PCDH9: variants seen among roughly 807,000 people sequenced by gnomAD.
The protein encoded by PCDH9 is protocadherin 9.
Under a neutral mutation model 70.6 loss-of-function variants are expected in PCDH9, and 24 were observed. The observed-to-expected ratio is 0.34, with a 90% CI of 0.25 to 0.48. The LOEUF (loss-of-function observed/expected upper bound fraction) is 0.48. PCDH9 is among the 20% of genes least tolerant of loss of function. The pLI is 0.99. For synonymous variants in PCDH9, 562 were observed against 558.5 expected (o/e 1.01, Z -0.09); for missense variants, 1,281 against 1,503.6 (o/e 0.85, Z 2.45).
chr13:66,733,522 C>T (rs2079103719), intron 3 of PCDH9, among the ~76,000 whole-genome samples: 1 of 152,122 alleles, frequency 6.6e-6, no homozygotes, highest in Non-Finnish European at 1.5e-5. Context: ...AATATACGTT[C>T]ATATGCTACA....
chr13:66,486,658 T>C (rs977356221), intron 4 of PCDH9, among the ~76,000 whole-genome samples: 9 of 148,232 alleles, frequency 6.1e-5, no homozygotes, highest in Non-Finnish European at 1.3e-4. Context: ...AAAAAAAAAG[T>C]ATTTGAGTTT....
At chr13:67,154,643 CACAT>C (rs1404920691) in intron 2 of PCDH9, among the ~76,000 whole-genome samples, 2,020 of 114,734 alleles carry the variant, frequency 0.018, 119 homozygotes, top group Non-Finnish European at 0.021. Flanking sequence ...CACACACACA[CACAT>C]ACAAGATACT....
chr13:67,177,383 G>A (rs2088491759), intron 2 of PCDH9, among the ~76,000 whole-genome samples: 1 of 151,842 alleles, frequency 6.6e-6, no homozygotes, highest in Admixed American at 6.6e-5. Flanking sequence ...CTGTTCAATT[G>A]GCTGTATGCC....
At chr13:66,927,432 T>C (rs536915336) in intron 2 of PCDH9, among the ~76,000 whole-genome samples, 22 of 152,002 alleles carry the variant, frequency 1.4e-4, no homozygotes, top group African/African-American at 5.1e-4. Flanking sequence ...ATGAAAAATA[T>C]CTAATGGGTA....
chr13:66,809,034 G>A (rs1269526293), intron 3 of PCDH9, among the ~76,000 whole-genome samples: 2 of 152,136 alleles, frequency 1.3e-5, no homozygotes, highest in Admixed American at 1.3e-4. Flanking sequence ...TGCAAGCTCC[G>A]CCTCCCAGGT....
Position 67,227,732 on chromosome 13 carries a change from T to A in PCDH9, c.709A>T (p.Ile237Leu). 1 of 1,613,922 alleles carries A rather than the reference T, an allele frequency of 6.2e-7. No individual in the cohort carries two copies. Residue 237 changes from isoleucine to leucine, a missense_variant, in exon 2 of 5, where the codon ATA becomes TTA. Ile to Leu is a conservative substitution (Grantham distance 5). Around this residue, in one of 4 missense-constraint regions of PCDH9, gnomAD observed 798 missense variants for 1,003.1 expected, o/e 0.80. Coordinates refer to ENST00000377865, the MANE Select transcript of PCDH9 (RefSeq NM_203487.3). This position sits in a 1 kb window ranked among gnomAD's most constrained non-coding sequence, Gnocchi z 4.6. ...GGTPQKSSTAILQVTVSDVND... is the reference protein window; with the variant it reads ...GGTPQKSSTALLQVTVSDVND... ...ACATCACTTACTGTGACCTGCAGTA[T>A]GGCCGTACTGGATTTCTGTGGAGTG...
intron 4 of PCDH9, among the ~76,000 whole-genome samples, chr13:66,310,847 G>T (rs923168950): frequency 1.3e-5 from 2 of 151,842 alleles, no homozygotes; most frequent in African/African-American, 4.8e-5. Context: ...ATTCCTCTTG[G>T]ATGGAATACA....
At chr13:66,887,374 T>G (rs148427052) in intron 3 of PCDH9, among the ~76,000 whole-genome samples, 1 of 152,098 alleles carries the variant, frequency 6.6e-6, no homozygotes, top group Non-Finnish European at 1.5e-5. Flanking sequence ...ACGTGCATTC[T>G]GCCCTAGAAA....
chr13:66,975,134 C>A (rs1429664784), intron 2 of PCDH9, among the ~76,000 whole-genome samples: 1 of 152,014 alleles, frequency 6.6e-6, no homozygotes, highest in African/African-American at 2.4e-5. Flanking sequence ...TAGAAAGCAT[C>A]TCTGTCTATC....
At chr13:66,342,487 A>G (rs1177380207) in intron 4 of PCDH9, among the ~76,000 whole-genome samples, 2 of 152,202 alleles carry the variant, frequency 1.3e-5, no homozygotes, top group Non-Finnish European at 2.9e-5. Context: ...GATAGTTACT[A>G]TTAATATTCT....
At chr13:66,529,499 G>C (rs572758578) in intron 4 of PCDH9, among the ~76,000 whole-genome samples, 1 of 151,974 alleles carries the variant, frequency 6.6e-6, no homozygotes. Flanking sequence ...TTTGTGTATC[G>C]GTAGAGTCAT....
At chr13:66,997,058 T>C (rs2084131729) in intron 2 of PCDH9, among the ~76,000 whole-genome samples, 1 of 152,194 alleles carries the variant, frequency 6.6e-6, no homozygotes, top group Non-Finnish European at 1.5e-5. Flanking sequence ...CTTAAGGTAA[T>C]ATTATCATAT....
intron 2 of PCDH9, among the ~76,000 whole-genome samples, chr13:66,981,416 T>C (rs1054804769): frequency 1.5e-4 from 21 of 137,860 alleles, no homozygotes; most frequent in African/African-American, 4.7e-4. Context: ...CCAGCCTGGG[T>C]GACAGAGCGA....
intron 3 of PCDH9, among the ~76,000 whole-genome samples, chr13:66,774,620 G>A (rs1429021574): frequency 6.6e-6 from 1 of 152,044 alleles, no homozygotes; most frequent in East Asian, 1.9e-4. Flanking sequence ...CTTCATCAAG[G>A]TACCCACATT....
At chr13:66,820,057 G>A (rs1195940595) in intron 3 of PCDH9, among the ~76,000 whole-genome samples, 5 of 152,022 alleles carry the variant, frequency 3.3e-5, no homozygotes, top group Admixed American at 6.6e-5. Flanking sequence ...TTTAAGATAA[G>A]TATGATATAA....
At chr13:66,731,131 A>G (rs968031196) in intron 3 of PCDH9, among the ~76,000 whole-genome samples, 9 of 152,050 alleles carry the variant, frequency 5.9e-5, no homozygotes, top group African/African-American at 2.2e-4. Context: ...TCATTCGAAG[A>G]GAATGATGGG....
chr13:66,937,147 T>G (rs895568315), intron 2 of PCDH9, among the ~76,000 whole-genome samples: 2 of 152,228 alleles, frequency 1.3e-5, no homozygotes, highest in East Asian at 1.9e-4. Flanking sequence ...CCATTTAAAA[T>G]GTATACAATG....
intron 2 of PCDH9, among the ~76,000 whole-genome samples, chr13:67,179,310 T>G (rs1265651953): frequency 1.3e-5 from 2 of 152,118 alleles, no homozygotes; most frequent in African/African-American, 2.4e-5. Flanking sequence ...TGTAGAAATT[T>G]TATTCTTTTT....
intron 3 of PCDH9, among the ~76,000 whole-genome samples, chr13:66,805,358 T>A (rs1367572417): frequency 6.6e-6 from 1 of 152,148 alleles, no homozygotes; most frequent in Admixed American, 6.6e-5. Context: ...CCTAATGCAA[T>A]AATTCAGGGA....
Sources: allele counts gnomAD v4.1 joint callset (sites outside exome capture counted in the v4.1 genomes callset), GRCh38; gene constraint gnomAD v4.1.1; regional missense constraint gnomAD v4.1.1; non-coding constraint Gnocchi (gnomAD v3.1); transcripts MANE v1.5; gene names NCBI Gene and HGNC (gene_info 2026-07-23, HGNC 2026-07-21).